The following GRM7 variants were observed in gnomAD, a reference collection of about 807,000 sequenced individuals.
The protein encoded by GRM7 is metabotropic glutamate receptor 7.
A neutral mutation model predicts 84.5 loss-of-function variants in GRM7; 35 were observed. The observed-to-expected ratio is 0.41, with a 90% CI of 0.32 to 0.55. The LOEUF is 0.55. GRM7 is among the 20% of genes least tolerant of loss of function. The pLI, the probability that GRM7 is intolerant of heterozygous loss-of-function variation, is 0.19. For synonymous variants in GRM7, 487 were observed against 455.1 expected, an observed-to-expected ratio of 1.07 and a Z score of -0.89; for missense variants, 1,003 against 1,194.6, an observed-to-expected ratio of 0.84 and a Z score of 2.36.
At chr3:7,139,066 A>ATATAT (rs1693860888) in intron 1 of GRM7, among the ~76,000 whole-genome samples, 1 of 147,594 alleles carries the variant, frequency 6.8e-6, no homozygotes, top group Non-Finnish European at 1.5e-5. Context: ...ATAGTACATT[A>ATATAT]TATAATATTA....
intron 2 of GRM7, among the ~76,000 whole-genome samples, chr3:7,272,602 T>C (rs1365705434): frequency 1.3e-5 from 2 of 152,198 alleles, no homozygotes; most frequent in Non-Finnish European, 2.9e-5. Flanking sequence ...AAGGAGTTGG[T>C]AGATTCCCCT....
At chr3:7,739,402 TAAA>T in intron 9 of GRM7, among the ~76,000 whole-genome samples, 1 of 152,298 alleles carries the variant, frequency 6.6e-6, no homozygotes, top group Non-Finnish European at 1.5e-5. Context: ...ATTTAGAATC[TAAA>T]AACAGTAAGC....
intron 1 of GRM7, among the ~76,000 whole-genome samples, chr3:7,028,042 T>C (rs1426381886): frequency 7.8e-6 from 1 of 127,624 alleles, no homozygotes; most frequent in East Asian, 1.9e-4. Flanking sequence ...TCTAACATGA[T>C]TCTACTTAGG....
intron 8 of GRM7, among the ~76,000 whole-genome samples, chr3:7,677,498 A>T (rs1700183519): frequency 6.6e-6 from 1 of 152,280 alleles, no homozygotes; most frequent in Non-Finnish European, 1.5e-5. Context: ...CTAGCTCTAG[A>T]ATCTGCATTC....
chr3:7,416,442 G>T (rs762916559), intron 5 of GRM7, among the ~76,000 whole-genome samples: 8 of 152,078 alleles, frequency 5.3e-5, no homozygotes, highest in African/African-American at 9.7e-5. Context: ...GTCTCTCTTT[G>T]TAATGTAGCT....
At chr3:7,260,389 G>C (rs1698375353) in intron 2 of GRM7, among the ~76,000 whole-genome samples, 1 of 152,130 alleles carries the variant, frequency 6.6e-6, no homozygotes, top group Non-Finnish European at 1.5e-5. Flanking sequence ...GTATTGCCTA[G>C]GTTGCCTTCC....
intron 1 of GRM7, among the ~76,000 whole-genome samples, chr3:6,950,138 T>A (rs577849524): frequency 4.6e-5 from 7 of 152,348 alleles, no homozygotes; most frequent in South Asian, 4.1e-4. Context: ...ACTCTGATTT[T>A]TAGAGTTTCC....
At chr3:7,451,988 G>A (rs1697788562) in intron 5 of GRM7, among the ~76,000 whole-genome samples, 1 of 152,168 alleles carries the variant, frequency 6.6e-6, no homozygotes, top group African/African-American at 2.4e-5. Context: ...GCACGTGATG[G>A]AAAATGGTGG....
At chr3:7,424,792 A>G (rs1239143488) in intron 5 of GRM7, among the ~76,000 whole-genome samples, 1 of 152,198 alleles carries the variant, frequency 6.6e-6, no homozygotes, top group African/African-American at 2.4e-5. Flanking sequence ...AACCAAAAGC[A>G]GATATGGAAA....
chr3:6,947,573 T>C (rs568870302), intron 1 of GRM7, among the ~76,000 whole-genome samples: 2 of 152,352 alleles, frequency 1.3e-5, no homozygotes, highest in Admixed American at 6.5e-5. Context: ...CCTCATAAAA[T>C]GAGTTAGGGA....
chr3:7,727,810 T>C (rs1702181657), intron 9 of GRM7, among the ~76,000 whole-genome samples: 2 of 152,210 alleles, frequency 1.3e-5, no homozygotes, highest in South Asian at 4.1e-4. Flanking sequence ...TCACTTCTCC[T>C]ATCTATCCTA....
At chr3:7,355,578 T>A (rs1693362023) in intron 4 of GRM7, among the ~76,000 whole-genome samples, 1 of 152,036 alleles carries the variant, frequency 6.6e-6, no homozygotes, top group Non-Finnish European at 1.5e-5. Context: ...AGAGACAGCT[T>A]TTGGCACTCT....
intron 1 of GRM7, among the ~76,000 whole-genome samples, chr3:6,964,786 T>C (rs967190394): frequency 1.3e-5 from 2 of 152,198 alleles, no homozygotes; most frequent in African/African-American, 4.8e-5. Flanking sequence ...AAACTCATGA[T>C]TGTTCTTTTG....
chr3:7,387,009 C>T (rs1296710380), intron 4 of GRM7, among the ~76,000 whole-genome samples: 1 of 152,108 alleles, frequency 6.6e-6, no homozygotes, highest in Non-Finnish European at 1.5e-5. Flanking sequence ...TTGCATTTAT[C>T]TAATGATTAC....
chr3:7,439,513 A>G (rs1697198576), intron 5 of GRM7, among the ~76,000 whole-genome samples: 1 of 152,148 alleles, frequency 6.6e-6, no homozygotes, highest in Non-Finnish European at 1.5e-5. Flanking sequence ...TCTTCCGCCA[A>G]CACCCAAAAC....
chr3:7,426,131 T>TCTTTTC (rs1696600343), intron 5 of GRM7, among the ~76,000 whole-genome samples: 1 of 151,740 alleles, frequency 6.6e-6, no homozygotes, highest in African/African-American at 2.4e-5. Context: ...TTTTTCTTTT[T>TCTTTTC]TTTTTGAGAT....
intron 4 of GRM7, among the ~76,000 whole-genome samples, chr3:7,327,376 A>G (rs1012833537): frequency 2.0e-5 from 3 of 152,168 alleles, no homozygotes; most frequent in African/African-American, 4.8e-5. Context: ...AAGGAAAAGG[A>G]GAGGAGAGGA....
At chr3:7,703,039 C>G (rs897164397) in intron 9 of GRM7, among the ~76,000 whole-genome samples, 1 of 152,008 alleles carries the variant, frequency 6.6e-6, no homozygotes, top group Non-Finnish European at 1.5e-5. Flanking sequence ...AACATACACC[C>G]GTGCCTGGGA....
intron 2 of GRM7, among the ~76,000 whole-genome samples, chr3:7,295,995 A>G (rs549336734): frequency 6.6e-6 from 1 of 152,094 alleles, no homozygotes; most frequent in Non-Finnish European, 1.5e-5. Context: ...ATTAAATGTG[A>G]TGCTAGCTGT....
Sources: allele counts gnomAD v4.1 joint callset (sites outside exome capture counted in the v4.1 genomes callset), GRCh38; gene constraint gnomAD v4.1.1; transcripts MANE v1.5; gene names NCBI Gene and HGNC (gene_info 2026-07-23, HGNC 2026-07-21).